PDE1A: variants seen among roughly 807,000 people sequenced by gnomAD.
PDE1A encodes the protein phosphodiesterase 1A.
PDE1A carries 35 observed loss-of-function variants against 61.7 expected under a neutral mutation model. That is an observed-to-expected ratio of 0.57 (90% CI 0.43 to 0.75). The LOEUF (loss-of-function observed/expected upper bound fraction) is 0.75, where lower values mean the gene tolerates loss of function less well. Among genes scored for constraint, PDE1A ranks in the 30% least tolerant of loss-of-function variants. The probability of loss-of-function intolerance (pLI) is 0.00; values close to 1 mark genes in which losing one functional copy is unlikely to be tolerated. For synonymous variants in PDE1A, 232 were observed against 213.2 expected, an observed-to-expected ratio of 1.09 and a Z score of -0.77; for missense variants, 597 against 630.6, an observed-to-expected ratio of 0.95 and a Z score of 0.57.
At chr2:182,237,582 C>G (rs1324241725) in intron 3 of PDE1A, among the ~76,000 whole-genome samples, 2 of 152,222 alleles carry the variant, frequency 1.3e-5, no homozygotes, top group Non-Finnish European at 2.9e-5. Context: ...AATATTGTTG[C>G]TATTTCACAG....
At chr2:182,222,091 C>T (rs1193649986) in intron 7 of PDE1A, among the ~76,000 whole-genome samples, 1 of 151,914 alleles carries the variant, frequency 6.6e-6, no homozygotes, top group Non-Finnish European at 1.5e-5. Flanking sequence ...AGAGCCTGCA[C>T]ATGTATGCTT....
At chr2:182,319,499 A>G (rs1238955988) in intron 1 of PDE1A, among the ~76,000 whole-genome samples, 1 of 152,190 alleles carries the variant, frequency 6.6e-6, no homozygotes, top group Non-Finnish European at 1.5e-5. Flanking sequence ...ATTTACTCCT[A>G]TATTTCTAAA....
chr2:182,275,831 G>T (rs1214284426), intron 1 of PDE1A, among the ~76,000 whole-genome samples: 1 of 151,958 alleles, frequency 6.6e-6, no homozygotes, highest in African/African-American at 2.4e-5. Flanking sequence ...CTTTCAACCA[G>T]TCATAACTTC....
chr2:182,242,747 C>T (rs1470676561), intron 2 of PDE1A, among the ~76,000 whole-genome samples: 1 of 152,194 alleles, frequency 6.6e-6, no homozygotes, highest in Non-Finnish European at 1.5e-5. Flanking sequence ...GAAATCAAGA[C>T]TGCAACAATG....
chr2:182,586,063 G>A, the PDE1A span, among the ~76,000 whole-genome samples: 2 of 151,972 alleles, frequency 1.3e-5, no homozygotes, highest in East Asian at 1.9e-4. Context: ...GAATGTTTTC[G>A]CATTTCCCAT....
At chr2:182,350,863 G>A (rs75748645) in intron 1 of PDE1A, among the ~76,000 whole-genome samples, 3,015 of 152,176 alleles carry the variant, frequency 0.02, 48 homozygotes, top group Admixed American at 0.056. Context: ...ACCCTCACAC[G>A]TTGACTCACC....
At chr2:182,564,612 T>C in the PDE1A span, among the ~76,000 whole-genome samples, 5 of 152,192 alleles carry the variant, frequency 3.3e-5, no homozygotes, top group Non-Finnish European at 5.9e-5. Context: ...CTTGCTAGAT[T>C]GGGGAAGTTC....
At chr2:182,423,392 C>G (rs1161676504) in intron 1 of PDE1A, among the ~76,000 whole-genome samples, 8 of 152,040 alleles carry the variant, frequency 5.3e-5, no homozygotes, top group African/African-American at 1.9e-4. Context: ...CTAAATGATA[C>G]GTAAGATTCC....
intron 1 of PDE1A, among the ~76,000 whole-genome samples, chr2:182,413,562 T>C (rs1039015636): frequency 2.6e-5 from 4 of 152,216 alleles, no homozygotes; most frequent in African/African-American, 9.6e-5. Flanking sequence ...AAGTGTTTTA[T>C]GCTGTCCTTA....
intron 6 of PDE1A, among the ~76,000 whole-genome samples, chr2:182,226,153 GC>G (rs1689124730): frequency 6.7e-6 from 1 of 149,464 alleles, no homozygotes; most frequent in African/African-American, 2.6e-5. Flanking sequence ...TATAAATATA[GC>G]TGTGGTTTTA....
At chr2:182,386,382 TC>T (rs1430771223) in intron 1 of PDE1A, among the ~76,000 whole-genome samples, 1 of 143,788 alleles carries the variant, frequency 7.0e-6, no homozygotes, top group Non-Finnish European at 1.5e-5. Context: ...CTGGCCGCCA[TC>T]CCATCTAAGA....
At chr2:182,260,670 G>C (rs1291941873) in intron 2 of PDE1A, among the ~76,000 whole-genome samples, 2 of 152,192 alleles carry the variant, frequency 1.3e-5, no homozygotes, top group Non-Finnish European at 2.9e-5. Flanking sequence ...TTTCATGGGT[G>C]TGGATACTCC....
intron 2 of PDE1A, among the ~76,000 whole-genome samples, chr2:182,455,220 C>T (rs1469136302): frequency 6.6e-6 from 1 of 152,128 alleles, no homozygotes; most frequent in Non-Finnish European, 1.5e-5. Flanking sequence ...CCATCTCACA[C>T]CAGTTAGAAT....
At chr2:182,570,428 G>C in the PDE1A span, among the ~76,000 whole-genome samples, 1 of 152,158 alleles carries the variant, frequency 6.6e-6, no homozygotes, top group Non-Finnish European at 1.5e-5. Flanking sequence ...AAGGCAGGGA[G>C]ATTATCAGTG....
chr2:182,568,368 A>T, the PDE1A span, among the ~76,000 whole-genome samples: 2 of 152,214 alleles, frequency 1.3e-5, no homozygotes, highest in Non-Finnish European at 2.9e-5. Flanking sequence ...CCTTTTATAA[A>T]ATGTTTTTAT....
the PDE1A span, among the ~76,000 whole-genome samples, chr2:182,589,239 GA>G: frequency 1.5e-4 from 20 of 135,024 alleles, no homozygotes; most frequent in Admixed American, 3.1e-4. Context: ...AAAAAAAGGG[GA>G]AAAAAAGAAA....
intron 2 of PDE1A, among the ~76,000 whole-genome samples, chr2:182,459,456 T>G (rs1450718800): frequency 6.6e-6 from 1 of 152,154 alleles, no homozygotes. Flanking sequence ...TTTTATGTTC[T>G]GCCTTGAATT....
At chr2:182,325,798 A>G (rs1042675521) in intron 1 of PDE1A, among the ~76,000 whole-genome samples, 1 of 152,130 alleles carries the variant, frequency 6.6e-6, no homozygotes, top group African/African-American at 2.4e-5. Flanking sequence ...GTGCATCTGT[A>G]TTCTCAGCTA....
chr2:182,434,012 A>C (rs1704086021), intron 2 of PDE1A, among the ~76,000 whole-genome samples: 1 of 152,182 alleles, frequency 6.6e-6, no homozygotes, highest in East Asian at 1.9e-4. Flanking sequence ...CTCCCTCAGC[A>C]AGTATCATAA....
Sources: gnomAD v4.1 joint callset for allele counts (sites outside exome capture counted in the v4.1 genomes callset) on GRCh38, gnomAD v4.1.1 for gene constraint, MANE v1.5 for transcripts, NCBI Gene and HGNC (gene_info 2026-07-23, HGNC 2026-07-21) for gene names.